The following USP54 variants were observed in gnomAD, a reference collection of about 807,000 sequenced individuals.
The protein encoded by USP54 is ubiquitin carboxyl-terminal hydrolase 54.
USP54 carries 87 observed loss-of-function variants against 170.5 expected under a neutral mutation model. The ratio of observed to expected loss-of-function variants is 0.51; its 90% CI spans 0.43 to 0.61. The LOEUF is 0.61. Ranked by LOEUF, USP54 falls within the 20% of genes least tolerant of loss-of-function variation. The pLI is 0.00. For synonymous variants in USP54, 655 were observed against 742.8 expected (o/e 0.88, Z 1.92); for missense variants, 1,786 against 2,047.8 (o/e 0.87, Z 2.47).
chr10:73,555,546 GGACAGA>G (rs2070742421), intron 4 of USP54, among the ~76,000 whole-genome samples: 1 of 152,122 alleles, frequency 6.6e-6, no homozygotes, highest in South Asian at 2.1e-4. Flanking sequence ...TCAAGACAAT[GGACAGA>G]GACAGAGATG....
chr10:73,547,030 T>A (rs1037343003), intron 4 of USP54, among the ~76,000 whole-genome samples: 1 of 152,218 alleles, frequency 6.6e-6, no homozygotes, highest in Non-Finnish European at 1.5e-5. Context: ...CTGACCTTGG[T>A]GTATTTGAAT....
At chr10:73,537,138 C>T (rs758078362) in intron 10 of USP54, among the ~76,000 whole-genome samples, 1 of 152,116 alleles carries the variant, frequency 6.6e-6, no homozygotes, top group Non-Finnish European at 1.5e-5. Context: ...TGGGGTTAGA[C>T]AACTAGCATA....
chr10:73,577,500 C>T (rs534800410), intron 1 of USP54, among the ~76,000 whole-genome samples: 2 of 152,044 alleles, frequency 1.3e-5, no homozygotes, highest in African/African-American at 2.4e-5. Flanking sequence ...ATATCGTATC[C>T]GTCATAATAT....
chr10:73,587,800 GGTAA>G (rs2077700129), intron 1 of USP54, among the ~76,000 whole-genome samples: 1 of 152,126 alleles, frequency 6.6e-6, no homozygotes, highest in African/African-American at 2.4e-5. Context: ...CCTAATATGT[GGTAA>G]GTGTGGAATA....
chr10:73,618,191 A>T (rs2080805598), intron 1 of USP54, among the ~76,000 whole-genome samples: 1 of 150,482 alleles, frequency 6.6e-6, no homozygotes. Context: ...AGCCTGGGTG[A>T]CACAGCAAGA....
At chr10:73,567,832 A>C (rs1162852575) in intron 4 of USP54, among the ~76,000 whole-genome samples, 1 of 152,144 alleles carries the variant, frequency 6.6e-6, no homozygotes, top group Non-Finnish European at 1.5e-5. Flanking sequence ...TAATCTTTAT[A>C]TCTTTCCTTT....
rs1361572716 is a variant in USP54, at chr10:73,534,662, G to C, written c.1253C>G (p.Ser418Cys). ...ESVVSHFSSD[S>C]QGTVIYNVEN... Reference sequence around the variant, plus strand: ...CACATTATAGATGACTGTCCCCTGAGAATCAGAAGAGAAGTGACTGACCAC... The same window carrying C: ...CACATTATAGATGACTGTCCCCTGACAATCAGAAGAGAAGTGACTGACCAC... The change falls in exon 12 of 24, where the codon TCT (serine) becomes TGT (cysteine). Residue 418 changes from serine to cysteine, a missense_variant. This residue lies in a region of USP54 where 1,418 missense variants were observed against 1,569.0 expected (regional missense o/e 0.90). Coordinates refer to ENST00000687698, the MANE Select transcript of USP54 (RefSeq NM_001391956.1). 6.2e-7 allele frequency: 1 copy of C among 1,614,176 alleles called. No homozygotes were observed.
intron 20 of USP54, among the ~76,000 whole-genome samples, chr10:73,516,143 A>G (rs1391181106): frequency 6.6e-6 from 1 of 152,110 alleles, no homozygotes; most frequent in Non-Finnish European, 1.5e-5. Flanking sequence ...GTAATCTCTT[A>G]CTTTAGAAGG....
chr10:73,520,935 C>T lies in USP54; in HGVS notation c.2455G>A (p.Ala819Thr), dbSNP rs749688121. 5.6e-6 allele frequency: 9 copies of T among 1,614,080 alleles called. No homozygotes were observed. Among genetic ancestry groups the T allele is most frequent in the Admixed American group, 5.0e-5 (3 of 60,008 alleles). Residue 819 changes from alanine to threonine, a missense_variant, in exon 18 of 24, where the codon GCT becomes ACT. Physicochemically the swap from Ala to Thr is moderately conservative, Grantham distance 58 (BLOSUM62 0). Coordinates refer to ENST00000687698, the MANE Select transcript of USP54 (RefSeq NM_001391956.1). ...HLEQKGDCAA[A>T]LALCNEAISK... ...ATAGCTTCATTACAGAGAGCCAAAG[C>T]TGCAGCACAGTCTCCTTTCTGTTCC...
chr10:73,600,768 G>T (rs2079106297), intron 1 of USP54, among the ~76,000 whole-genome samples: 1 of 152,128 alleles, frequency 6.6e-6, no homozygotes, highest in African/African-American at 2.4e-5. Flanking sequence ...ACAAAAATTA[G>T]CTGGGTGTGG....
chr10:73,510,428 G>A (rs1305820090), intron 20 of USP54, among the ~76,000 whole-genome samples: 1 of 151,956 alleles, frequency 6.6e-6, no homozygotes, highest in Non-Finnish European at 1.5e-5. Context: ...ATAAGTACCT[G>A]GAGGGTTATT....
intron 3 of USP54, among the ~76,000 whole-genome samples, chr10:73,574,417 T>A (rs2075776798): frequency 6.6e-6 from 1 of 152,074 alleles, no homozygotes; most frequent in Non-Finnish European, 1.5e-5. Flanking sequence ...TACCTGAAAG[T>A]CTTTGACTTG....
chr10:73,518,328 C>T lies in USP54; in HGVS notation c.2679-581G>A, dbSNP rs2061369769. The stretch of plus-strand genomic sequence containing the variant: ...ATAATCTGGATTTTGTTCTATTAGT[C>T]ACTGAGATGTTTCCCCAAAGCAATA... On this transcript the variant is annotated intron_variant, in intron 19 of 23. Coordinates refer to ENST00000687698, the MANE Select transcript of USP54 (RefSeq NM_001391956.1). The T allele has an allele frequency of 7.8e-6, 6 of 769,912 alleles. No individual in the cohort carries two copies. The South Asian group carries it at 3.6e-4, about 46-fold the overall frequency. The allele number at this position is 769,912 out of a possible 1,614,324, so 47.7% of individuals were successfully genotyped here.
chr10:73,530,158 A>C lies in USP54; in HGVS notation c.1813T>G (p.Phe605Val). Reference sequence around the variant, plus strand: ...ATCTCCTCACCTGAATCCTCAGAAAAGGGGCTAAGCTGGGTATAGCCACAG... The same window carrying C: ...ATCTCCTCACCTGAATCCTCAGAAACGGGGCTAAGCTGGGTATAGCCACAG... The part of the protein sequence containing the change: ...KHCGYTQLSP[F>V]SEDSAKEFIP... The change falls in exon 14 of 24, where the codon TTT (phenylalanine) becomes GTT (valine). Residue 605 changes from phenylalanine to valine, a missense_variant. Phe to Val is a conservative substitution (Grantham distance 50). Transcript: ENST00000687698. 1 of 1,610,712 alleles carries C rather than the reference A, an allele frequency of 6.2e-7. No individual in the cohort carries two copies. The highest frequency in any genetic ancestry group is 8.5e-7 in the Non-Finnish European group (1 of 1,178,396).
At chr10:73,566,420 G>A (rs550280962) in intron 4 of USP54, among the ~76,000 whole-genome samples, 89 of 151,828 alleles carry the variant, frequency 5.9e-4, no homozygotes, top group African/African-American at 2.0e-3. Context: ...TAAATATATA[G>A]GTAGTAAAAC....
chr10:73,625,254 A>G (rs1298751430), intron 1 of USP54, among the ~76,000 whole-genome samples: 2 of 141,412 alleles, frequency 1.4e-5, no homozygotes, highest in African/African-American at 5.5e-5. Flanking sequence ...AGTAGCAATC[A>G]TTCATTATCC....
At chr10:73,611,875 G>A (rs994610232) in intron 1 of USP54, among the ~76,000 whole-genome samples, 41 of 152,058 alleles carry the variant, frequency 2.7e-4, no homozygotes, top group African/African-American at 8.7e-4. Context: ...TTTGGGAGAC[G>A]AGGCAGGCAG....
intron 1 of USP54, among the ~76,000 whole-genome samples, chr10:73,601,591 A>G (rs575308606): frequency 6.6e-6 from 1 of 152,190 alleles, no homozygotes; most frequent in South Asian, 2.1e-4. Context: ...TGGAACTAGG[A>G]AAACATTCAG....
rs557064994 is a variant in USP54, at chr10:73,569,105, C to T, written c.240+2316G>A. 3.3e-5 allele frequency among the ~76,000 whole-genome samples: 5 copies of T among 152,220 alleles called. No homozygotes were observed. The South Asian group carries it at 1.0e-3, about 32-fold the overall frequency. ...CCTTCTTGGTACAGACAAGAGTTTC[C>T]AGTGTCAGACAGTTCTTCTATAGGG... On this transcript the variant is annotated intron_variant, in intron 4 of 23. Transcript: ENST00000687698.
Sources: gnomAD v4.1 joint callset for allele counts (sites outside exome capture counted in the v4.1 genomes callset) on GRCh38, gnomAD v4.1.1 for gene constraint, gnomAD v4.1.1 regional missense constraint, MANE v1.5 for transcripts, NCBI Gene and HGNC (gene_info 2026-07-23, HGNC 2026-07-21) for gene names.